TDP1: variants seen among roughly 807,000 people sequenced by gnomAD.
TDP1 encodes tyr-DNA phosphodiesterase 1.
TDP1 carries 64 observed loss-of-function variants against 81.5 expected under a neutral mutation model. The ratio of observed to expected loss-of-function variants is 0.79; its 90% CI spans 0.64 to 0.97. The LOEUF (loss-of-function observed/expected upper bound fraction) is 0.97, where lower values mean the gene tolerates loss of function less well. Ranked by LOEUF, TDP1 falls within the 50% of genes least tolerant of loss-of-function variation. The pLI is 0.00. For missense variants in TDP1, 723 were observed against 743.8 expected (o/e 0.97, Z 0.33); for synonymous variants, 256 against 264.3 (o/e 0.97, Z 0.30).
intron 14 of TDP1, among the ~76,000 whole-genome samples, chr14:90,018,505 G>T (rs1446345281): frequency 2.0e-5 from 3 of 152,052 alleles, no homozygotes; most frequent in African/African-American, 7.2e-5. Context: ...TTGTCATCCA[G>T]ACTGGAGTGT....
Position 90,019,386 on chromosome 14 carries a change from G to A in TDP1, c.1612G>A (p.Glu538Lys), listed in dbSNP as rs747349186. 37 of 1,610,818 alleles carry A rather than the reference G, an allele frequency of 2.3e-5. No individual in the cohort carries two copies. Among genetic ancestry groups the A allele is most frequent in the Admixed American group, 6.7e-5 (4 of 60,000 alleles). ...NGTQLMIRSY[E>K]LGVLFLPSAF... ...CACCCAGCTGATGATCCGCTCCTAC[G>A]AGCTCGGGGTCCTTTTCCTCCCTTC... The change falls in exon 15 of 17, where the codon GAG becomes AAG. Residue 538 changes from glutamate to lysine, a missense_variant. By Grantham distance (56) the Glu-to-Lys change is moderately conservative. Coordinates refer to ENST00000335725, the MANE Select transcript of TDP1 (RefSeq NM_018319.4).
At chr14:90,031,154 ATG>A (rs1294304420) in intron 15 of TDP1, among the ~76,000 whole-genome samples, 2 of 151,794 alleles carry the variant, frequency 1.3e-5, no homozygotes, top group African/African-American at 2.4e-5. Context: ...CATGTGCACA[ATG>A]TGCAGGTTAG....
intron 14 of TDP1, among the ~76,000 whole-genome samples, chr14:89,995,876 AG>A (rs1896613610): frequency 6.6e-6 from 1 of 152,332 alleles, no homozygotes; most frequent in African/African-American, 2.4e-5. Context: ...TGTGGATGCC[AG>A]GCACTCAGGA....
At chr14:90,025,455 A>G (rs997132905) in intron 15 of TDP1, among the ~76,000 whole-genome samples, 14 of 152,252 alleles carry the variant, frequency 9.2e-5, no homozygotes, top group African/African-American at 3.4e-4. Context: ...CCTAACTTGT[A>G]AAGTATGTTG....
At chr14:89,962,940 AG>A (rs1892504345) in intron 2 of TDP1, 167 bp from the exon 3 acceptor site, 4 of 985,232 alleles carry the variant, frequency 4.1e-6, no homozygotes, top group Non-Finnish European at 4.8e-6. Flanking sequence ...AGAATCTGAT[AG>A]TGGATTCTGG....
chr14:90,030,753 G>C (rs1887181803), intron 15 of TDP1, among the ~76,000 whole-genome samples: 1 of 151,360 alleles, frequency 6.6e-6, no homozygotes, highest in African/African-American at 2.4e-5. Flanking sequence ...CCAGAAGCTT[G>C]ATTATCTCAT....
At chr14:90,001,969 C>A (rs1897229247) in intron 14 of TDP1, among the ~76,000 whole-genome samples, 1 of 152,148 alleles carries the variant, frequency 6.6e-6, no homozygotes, top group South Asian at 2.1e-4. Flanking sequence ...GGTGCCTGAT[C>A]TTACTCATCT....
At chr14:89,991,820 C>T (rs1313116414) in intron 12 of TDP1, 97 bp from the exon 13 acceptor site, 10 of 1,311,662 alleles carry the variant, frequency 7.6e-6, no homozygotes, top group East Asian at 5.1e-5. Flanking sequence ...AGTTTTTTTC[C>T]TGTTACCTTC....
intron 2 of TDP1, chr14:89,962,785 T>C (rs1892480744): frequency 3.5e-6 from 1 of 286,902 alleles, no homozygotes; most frequent in Non-Finnish European, 5.2e-6. Context: ...GGCAGGAGGA[T>C]TGCTTGAGCC....
At position 89,972,232 on chromosome 14, in the gene TDP1, A is replaced by G. The variant is rs35694415; in HGVS notation, c.756+961A>G. On this transcript the variant is annotated intron_variant, in intron 6 of 16. Transcript: ENST00000335725. ...CTGAGGAGGCCTCAGGAAACTTTCA[A>G]TTGTGACAGAAGGTGAAGAGGAAGC... Among the ~76,000 whole-genome samples the G allele has an allele frequency of 1.6e-3, 247 of 152,314 alleles. 1 individual carries two copies. The highest frequency in any genetic ancestry group is 5.5e-3 in the African/African-American group (228 of 41,576).
chr14:90,016,804 AC>A (rs1254601061), intron 14 of TDP1, among the ~76,000 whole-genome samples: 1 of 152,162 alleles, frequency 6.6e-6, no homozygotes, highest in African/African-American at 2.4e-5. Context: ...CCCAGAAGCT[AC>A]TGTCACTCAA....
chr14:90,022,467 G>A (rs1886198070), intron 15 of TDP1, among the ~76,000 whole-genome samples: 1 of 152,230 alleles, frequency 6.6e-6, no homozygotes, highest in South Asian at 2.1e-4. Flanking sequence ...CCGCATCCCA[G>A]TGACACCTCA....
intron 15 of TDP1, 173 bp from the exon 16 acceptor site, chr14:90,032,933 T>TG (rs1336275246): frequency 2.5e-6 from 2 of 798,236 alleles, no homozygotes; most frequent in Middle Eastern, 6.4e-4. Flanking sequence ...GAAAATAATT[T>TG]GGGGCGGGGG....
rs952754745 is a variant in TDP1 at position 89,989,040 on chromosome 14, C to T, written c.1267C>T (p.Leu423=). The T allele has an allele frequency of 2.5e-6, 4 of 1,614,092 alleles. No individual in the cohort carries two copies. Among genetic ancestry groups the T allele is most frequent in the Middle Eastern group, 1.7e-4 (1 of 6,054 alleles). The change falls in exon 11 of 17, where the codon CTG becomes TTG. Residue 423 remains leucine (L), a synonymous_variant. Coordinates refer to ENST00000335725, the MANE Select transcript of TDP1 (RefSeq NM_018319.4). ...CSEFKESMLT[L]GKESKTPGKS... is the part of the protein sequence containing the mutation. ...TGAGTTTAAAGAGAGCATGCTGACA[C>T]TGGGGAAGGAAAGCAAGACTCCAGG...
chr14:90,018,059 AC>A (rs1471315981), intron 14 of TDP1, among the ~76,000 whole-genome samples: 2 of 143,996 alleles, frequency 1.4e-5, no homozygotes, highest in Non-Finnish European at 3.0e-5. Context: ...TTCCCATAGA[AC>A]CCTTAACAAA....
At chr14:89,974,799 A>G (rs10146347) in intron 6 of TDP1, among the ~76,000 whole-genome samples, 29,088 of 152,170 alleles carry the variant, frequency 0.19, 6,654 homozygotes, top group African/African-American at 0.55. Flanking sequence ...ATTTGAGCCC[A>G]TGTACTGCGT....
Position 90,043,246 on chromosome 14 carries a change from C to G in TDP1, c.*103C>G. 6.9e-7 allele frequency: 1 copy of G among 1,441,060 alleles called. No homozygotes were observed. Among genetic ancestry groups the G allele is most frequent in the African/African-American group, 1.4e-5 (1 of 71,620 alleles). 89.3% of individuals were successfully genotyped at this position (1,441,060 alleles called of 1,614,324 possible). On this transcript the variant is annotated 3_prime_UTR_variant, in exon 17 of 17. Transcript: ENST00000335725. Reference sequence around the variant, plus strand: ...CACTTCCCTTAAAGTCTTATTTGCACCCTTACAAAATCTTTCCAAAGGTCA... The same window carrying G: ...CACTTCCCTTAAAGTCTTATTTGCAGCCTTACAAAATCTTTCCAAAGGTCA...
At chr14:90,021,746 C>T (rs1033149550) in intron 15 of TDP1, among the ~76,000 whole-genome samples, 4 of 152,120 alleles carry the variant, frequency 2.6e-5, no homozygotes, top group African/African-American at 9.7e-5. Context: ...TTATAAAGAC[C>T]ATCAGACAAG....
chr14:90,043,786 T>A lies in TDP1; in HGVS notation c.*643T>A, dbSNP rs1450051130. The A allele has an allele frequency of 6.5e-6, 1 of 153,050 alleles. No homozygotes were observed. Among genetic ancestry groups the A allele is most frequent in the Admixed American group, 6.5e-5 (1 of 15,398 alleles). The allele number at this position is 153,050 out of a possible 1,614,324, so 9.5% of individuals were successfully genotyped here. A position where few individuals can be genotyped will look rare whatever the true frequency, so the allele number is the denominator to read the frequency against. ...ATATAAAATTATCCTCACAGTAACA[T>A]AGAATCTCTTGGTGCTGTCAGCTGT... On this transcript the variant is annotated 3_prime_UTR_variant, in exon 17 of 17. Coordinates refer to ENST00000335725, the MANE Select transcript of TDP1 (RefSeq NM_018319.4).
Sources: allele counts gnomAD v4.1 joint callset (sites outside exome capture counted in the v4.1 genomes callset), GRCh38; gene constraint gnomAD v4.1.1; transcripts MANE v1.5; gene names NCBI Gene and HGNC (gene_info 2026-07-23, HGNC 2026-07-21).